Variants in FSTL5 observed in about 807,000 individuals in gnomAD.
FSTL5 encodes follistatin like 5, also known as follistatin-related protein 5.
A neutral mutation model predicts 89.1 loss-of-function variants in FSTL5; 62 were observed. The observed-to-expected ratio is 0.70, with a 90% CI of 0.57 to 0.86. The LOEUF (loss-of-function observed/expected upper bound fraction) is 0.86. FSTL5 is among the 40% of genes least tolerant of loss of function. The pLI, the probability that FSTL5 is intolerant of heterozygous loss-of-function variation, is 0.00. For missense variants in FSTL5, 1,057 were observed against 1,001.6 expected (o/e 1.06, Z -0.75); for synonymous variants, 383 against 346.2 (o/e 1.11, Z -1.18).
At chr4:161,823,404 T>C (rs1361318067) in intron 4 of FSTL5, among the ~76,000 whole-genome samples, 3 of 152,202 alleles carry the variant, frequency 2.0e-5, no homozygotes, top group Non-Finnish European at 4.4e-5. Context: ...CAGAGGGGAC[T>C]GAGACAGCAG....
rs767226714 is a variant in FSTL5 at position 161,459,285 on chromosome 4, T to C, written c.1643A>G (p.His548Arg). 12 of 1,613,374 alleles carry C rather than the reference T, an allele frequency of 7.4e-6. No homozygotes were observed. In the South Asian group the frequency reaches 1.2e-4, roughly 16 times the overall value. ...GACCTGATCATGTGATTTGTCATAG[T>C]GTAATTTAACTGGGACAGGGTCTGT... Reference protein sequence around the residue: ...VSTDPVPVKLHYDKSHDQVWV... With the variant: ...VSTDPVPVKLRYDKSHDQVWV... Residue 548 changes from histidine to arginine, a missense_variant, in exon 14 of 16, where the codon CAC becomes CGC. His to Arg is a conservative substitution (Grantham distance 29). Coordinates refer to ENST00000306100, the MANE Select transcript of FSTL5 (RefSeq NM_020116.5).
At chr4:162,162,701 A>G (rs2110773713) in intron 1 of FSTL5, among the ~76,000 whole-genome samples, 1 of 152,320 alleles carries the variant, frequency 6.6e-6, no homozygotes, top group African/African-American at 2.4e-5. Context: ...GCCAATTGAT[A>G]AAAGGAACAT....
intron 15 of FSTL5, among the ~76,000 whole-genome samples, chr4:161,396,871 T>C (rs1217792042): frequency 6.6e-6 from 1 of 152,034 alleles, no homozygotes; most frequent in Non-Finnish European, 1.5e-5. Context: ...GGAATAGAAA[T>C]AAAGACAATT....
chr4:162,138,626 C>CAGATT (rs1321008690), intron 1 of FSTL5, among the ~76,000 whole-genome samples: 6 of 151,872 alleles, frequency 4.0e-5, no homozygotes, highest in Non-Finnish European at 8.8e-5. Flanking sequence ...TACTGGAGTC[C>CAGATT]TAATCAGTGA....
intron 6 of FSTL5, among the ~76,000 whole-genome samples, chr4:161,745,067 A>C (rs944104023): frequency 2.6e-5 from 4 of 152,140 alleles, no homozygotes; most frequent in African/African-American, 7.2e-5. Flanking sequence ...AAAATAAATA[A>C]ATAAAAAAAA....
chr4:161,997,601 C>CTTTTTTTTT (rs60978465), intron 3 of FSTL5, among the ~76,000 whole-genome samples: 5 of 129,320 alleles, frequency 3.9e-5, no homozygotes, highest in African/African-American at 8.7e-5. Flanking sequence ...TACATGTTAT[C>CTTTTTTTTT]TTTTTTTTTT....
chr4:161,756,530 A>C (rs952690414), intron 6 of FSTL5, among the ~76,000 whole-genome samples: 2 of 152,066 alleles, frequency 1.3e-5, no homozygotes, highest in Non-Finnish European at 2.9e-5. Flanking sequence ...AATCTGTTTT[A>C]CTATATCTTT....
At chr4:161,516,582 TATATAATAAATTATATATTTTA>T in intron 10 of FSTL5, among the ~76,000 whole-genome samples, 1 of 4,656 alleles carries the variant, frequency 2.1e-4, no homozygotes, top group Non-Finnish European at 6.3e-4. Context: ...TTATATATTT[TATATAATAAATTATATATTTTA>T]TATAATAAAT....
intron 2 of FSTL5, among the ~76,000 whole-genome samples, chr4:162,065,220 A>G (rs1014848266): frequency 7.9e-5 from 12 of 151,998 alleles, no homozygotes; most frequent in African/African-American, 2.9e-4. Context: ...AGGGTATCTT[A>G]AAAATCTTCT....
At chr4:161,704,046 A>G (rs1738490174) in intron 6 of FSTL5, among the ~76,000 whole-genome samples, 1 of 152,160 alleles carries the variant, frequency 6.6e-6, no homozygotes, top group South Asian at 2.1e-4. Flanking sequence ...CAAACCACTA[A>G]GCTAAAGGGA....
At chr4:162,014,359 C>T (rs139740850) in intron 3 of FSTL5, among the ~76,000 whole-genome samples, 1 of 152,286 alleles carries the variant, frequency 6.6e-6, no homozygotes, top group East Asian at 1.9e-4. Context: ...TACTGAGGTT[C>T]TGGTTTAAAA....
rs73862330 is a variant in FSTL5 at position 161,597,850 on chromosome 4, G to T, written c.895-10275C>A. ...GAGAAGGTAAAGGAAAGTAGATTAG[G>T]CAAAATGAGAATAGTGGTATTTGTA... On this transcript the variant is annotated intron_variant, in intron 7 of 15. Transcript: ENST00000306100. Among the ~76,000 whole-genome samples, 286 of 152,104 alleles carry T rather than the reference G, an allele frequency of 1.9e-3. 2 individuals are homozygous for T. The highest frequency in any genetic ancestry group is 6.5e-3 in the African/African-American group (269 of 41,506).
intron 7 of FSTL5, among the ~76,000 whole-genome samples, chr4:161,616,118 C>T (rs1734859966): frequency 6.7e-6 from 1 of 149,792 alleles, no homozygotes; most frequent in East Asian, 2.0e-4. Context: ...TGGGGTTTTG[C>T]TCTTGTCACC....
At chr4:161,689,601 A>G (rs1216736318) in intron 6 of FSTL5, among the ~76,000 whole-genome samples, 1 of 152,128 alleles carries the variant, frequency 6.6e-6, no homozygotes, top group Non-Finnish European at 1.5e-5. Context: ...GGCTTGCAGT[A>G]TAGTTTTATT....
chr4:161,732,692 A>G (rs949651971), intron 6 of FSTL5, among the ~76,000 whole-genome samples: 3 of 151,944 alleles, frequency 2.0e-5, no homozygotes, highest in Non-Finnish European at 4.4e-5. Context: ...TAAGGATTAA[A>G]GTGTGTTTGT....
At chr4:161,478,215 T>C (rs1331687074) in intron 13 of FSTL5, among the ~76,000 whole-genome samples, 1 of 152,130 alleles carries the variant, frequency 6.6e-6, no homozygotes, top group Non-Finnish European at 1.5e-5. Context: ...GTAGAATGTA[T>C]AAATACAATT....
chr4:161,540,387 T>C (rs945894783), intron 9 of FSTL5, among the ~76,000 whole-genome samples: 11 of 152,098 alleles, frequency 7.2e-5, no homozygotes, highest in Admixed American at 6.6e-5. Context: ...CTTTGTTTGA[T>C]GTTTCCCATC....
intron 4 of FSTL5, among the ~76,000 whole-genome samples, chr4:161,817,764 G>C (rs1730372008): frequency 6.6e-6 from 1 of 152,210 alleles, no homozygotes; most frequent in Non-Finnish European, 1.5e-5. Context: ...ATTAAAATAT[G>C]TGGGATCATA....
intron 13 of FSTL5, among the ~76,000 whole-genome samples, chr4:161,477,324 C>G (rs185425091): frequency 6.7e-6 from 1 of 149,460 alleles, no homozygotes; most frequent in Admixed American, 6.7e-5. Flanking sequence ...AAATTACTGC[C>G]TTTTTAAAGT....
Sources: gnomAD v4.1 joint callset for allele counts (sites outside exome capture counted in the v4.1 genomes callset) on GRCh38, gnomAD v4.1.1 for gene constraint, MANE v1.5 for transcripts, NCBI Gene and HGNC (gene_info 2026-07-23, HGNC 2026-07-21) for gene names.